Variants in GRID2 observed in about 807,000 individuals in gnomAD.
GRID2 encodes glutamate receptor ionotropic, delta-2.
A neutral mutation model predicts 114.8 loss-of-function variants in GRID2; 33 were observed. The observed-to-expected ratio is 0.29, with a 90% confidence interval of 0.22 to 0.38. The LOEUF (loss-of-function observed/expected upper bound fraction) is 0.38, where lower values mean the gene tolerates loss of function less well. Among genes scored for constraint, GRID2 ranks in the 10% least tolerant of loss-of-function variants. The pLI is 1.00. For missense variants in GRID2, 1,184 were observed against 1,257.7 expected (o/e 0.94, Z 0.89); for synonymous variants, 505 against 449.9 (o/e 1.12, Z -1.55).
In GRID2 at chr4:92,421,391, A is replaced by T. The variant is rs191930618; in HGVS notation, c.88+116647A>T. 2.0e-4 allele frequency among the ~76,000 whole-genome samples: 31 copies of T among 152,202 alleles called. 1 individual carries two copies. Among genetic ancestry groups the T allele is most frequent in the Admixed American group, 2.0e-3 (31 of 15,270 alleles). ...CTGAGGAAATACAGATGGAAAAAGG[A>T]GAAAGTTTGAGAAAAGATCACCAGT... On this transcript the variant is annotated intron_variant, in intron 1 of 15. Transcript: ENST00000282020.
At chr4:92,605,519 CAGGT>C (rs531051328) in intron 2 of GRID2, among the ~76,000 whole-genome samples, 46 of 152,030 alleles carry the variant, frequency 3.0e-4, no homozygotes, top group African/African-American at 1.1e-3. Context: ...ACTAAAATAA[CAGGT>C]AGAATGTGTA....
chr4:92,670,061 G>A (rs377742218), intron 2 of GRID2, among the ~76,000 whole-genome samples: 20 of 152,014 alleles, frequency 1.3e-4, no homozygotes, highest in African/African-American at 4.3e-4. Flanking sequence ...CTTCATTCTC[G>A]CTACTGTAAA....
intron 2 of GRID2, among the ~76,000 whole-genome samples, chr4:92,855,619 T>C (rs543880325): frequency 6.6e-6 from 1 of 152,080 alleles, no homozygotes; most frequent in African/African-American, 2.4e-5. Flanking sequence ...TACACTAGTG[T>C]AATGGCCTTG....
intron 2 of GRID2, among the ~76,000 whole-genome samples, chr4:92,857,789 G>T (rs1744273924): frequency 6.6e-6 from 1 of 152,158 alleles, no homozygotes; most frequent in Non-Finnish European, 1.5e-5. Flanking sequence ...CCTGATATTG[G>T]ATAAACATGC....
chr4:92,551,740 C>A (rs1196412139), intron 1 of GRID2, among the ~76,000 whole-genome samples: 1 of 152,010 alleles, frequency 6.6e-6, no homozygotes, highest in Non-Finnish European at 1.5e-5. Flanking sequence ...TAACATCAGA[C>A]AATTATAAAC....
At chr4:93,221,355 T>G (rs1279079140) in intron 6 of GRID2, among the ~76,000 whole-genome samples, 1 of 152,080 alleles carries the variant, frequency 6.6e-6, no homozygotes, top group Non-Finnish European at 1.5e-5. Flanking sequence ...ACAGATGGTG[T>G]CAAATATTGA....
At chr4:93,260,108 G>T (rs971004085) in intron 8 of GRID2, among the ~76,000 whole-genome samples, 1 of 151,626 alleles carries the variant, frequency 6.6e-6, no homozygotes, top group African/African-American at 2.4e-5. Flanking sequence ...TATAATGCAT[G>T]CTTATTTTGG....
intron 10 of GRID2, among the ~76,000 whole-genome samples, chr4:93,427,849 A>G (rs1298317188): frequency 6.6e-6 from 1 of 152,080 alleles, no homozygotes; most frequent in Non-Finnish European, 1.5e-5. Flanking sequence ...TTATGAAAAC[A>G]CAAATCTGGC....
chr4:93,468,532 T>C (rs1222412125), intron 11 of GRID2, among the ~76,000 whole-genome samples: 1 of 152,084 alleles, frequency 6.6e-6, no homozygotes, highest in Non-Finnish European at 1.5e-5. Flanking sequence ...TCCTGAAGGA[T>C]AGGAAGGAAT....
intron 8 of GRID2, among the ~76,000 whole-genome samples, chr4:93,327,720 A>C (rs1757989884): frequency 6.6e-6 from 1 of 151,522 alleles, no homozygotes; most frequent in Non-Finnish European, 1.5e-5. Context: ...GGAAAGGTAG[A>C]AAATGGAGAC....
At chr4:93,456,110 A>C in intron 11 of GRID2, 136 bp downstream of exon 11, 1 of 617,418 alleles carries the variant, frequency 1.6e-6, no homozygotes, top group Admixed American at 2.8e-5. Context: ...TGCTCAGAAA[A>C]GAACATTTGC....
chr4:93,311,412 C>A (rs1384000434), intron 8 of GRID2, among the ~76,000 whole-genome samples: 1 of 152,098 alleles, frequency 6.6e-6, no homozygotes, highest in Non-Finnish European at 1.5e-5. Context: ...AACTGTGCAC[C>A]AATTTCTTCT....
At chr4:93,250,343 C>T (rs1334273682) in intron 8 of GRID2, among the ~76,000 whole-genome samples, 2 of 151,868 alleles carry the variant, frequency 1.3e-5, no homozygotes, top group African/African-American at 4.8e-5. Flanking sequence ...TGGGGCCTGT[C>T]AGAGGGTGGG....
chr4:92,751,842 G>A (rs1737468258), intron 2 of GRID2, among the ~76,000 whole-genome samples: 1 of 152,174 alleles, frequency 6.6e-6, no homozygotes, highest in South Asian at 2.1e-4. Flanking sequence ...ATGTTTTGAT[G>A]TTTACATCAA....
intron 12 of GRID2, among the ~76,000 whole-genome samples, chr4:93,491,924 T>TA (rs1727045743): frequency 6.6e-6 from 1 of 151,900 alleles, no homozygotes; most frequent in African/African-American, 2.4e-5. Flanking sequence ...TCAATTATTT[T>TA]ATCCATTCAT....
intron 1 of GRID2, among the ~76,000 whole-genome samples, chr4:92,409,359 C>CA (rs1217370471): frequency 2.6e-5 from 4 of 151,852 alleles, no homozygotes; most frequent in African/African-American, 9.7e-5. Context: ...GTGTCCAGTT[C>CA]AAAAAAATCA....
At chr4:92,396,027 A>C (rs1338490937) in intron 1 of GRID2, among the ~76,000 whole-genome samples, 2 of 151,908 alleles carry the variant, frequency 1.3e-5, no homozygotes, top group South Asian at 2.1e-4. Context: ...TTTATGATAC[A>C]GAGAAATAGT....
intron 2 of GRID2, among the ~76,000 whole-genome samples, chr4:92,643,385 G>T (rs1038852912): frequency 2.6e-5 from 4 of 151,724 alleles, no homozygotes; most frequent in Non-Finnish European, 4.4e-5. Context: ...AATAGAAAAA[G>T]AATAAGTCAA....
chr4:93,429,648 T>A (rs72884579), intron 10 of GRID2, among the ~76,000 whole-genome samples: 13,739 of 151,700 alleles, frequency 0.091, 1,583 homozygotes, highest in African/African-American at 0.27. Context: ...GGAAAATAGA[T>A]CCAACAATGG....
Sources: allele counts gnomAD v4.1 joint callset (sites outside exome capture counted in the v4.1 genomes callset), GRCh38; gene constraint gnomAD v4.1.1; transcripts MANE v1.5; gene names NCBI Gene and HGNC (gene_info 2026-07-23, HGNC 2026-07-21).